TEKTL1: variants seen among roughly 807,000 people sequenced by gnomAD.
The protein encoded by TEKTL1 is tektin like 1.
chr19:15,021,716 G>A, the TEKTL1 span: 14 of 1,613,944 alleles, frequency 8.7e-6, no homozygotes, highest in Admixed American at 1.7e-5. Context: ...ATCAAGGTAC[G>A]GTTCGGGGTG....
the TEKTL1 span, among the ~76,000 whole-genome samples, chr19:15,014,600 A>G: frequency 6.6e-6 from 1 of 151,518 alleles, no homozygotes; most frequent in Non-Finnish European, 1.5e-5. Context: ...GAAGGCAGAT[A>G]TAGTACTAAA....
At chr19:15,020,598 C>T in the TEKTL1 span, 17 of 1,614,122 alleles carry the variant, frequency 1.1e-5, no homozygotes, top group Non-Finnish European at 1.4e-5. Flanking sequence ...CCCGAGCCCC[C>T]ACTCCACGCA....
chr19:15,017,541 C>T, the TEKTL1 span, among the ~76,000 whole-genome samples: 4 of 152,072 alleles, frequency 2.6e-5, no homozygotes, highest in African/African-American at 4.8e-5. Context: ...GAATAGCAGT[C>T]TCTTAATATT....
chr19:15,011,416 CAACCCCAGCCT>C, the TEKTL1 span: 1 of 1,404,466 alleles, frequency 7.1e-7, no homozygotes, highest in Non-Finnish European at 9.3e-7. Flanking sequence ...CCCCCACGCC[CAACCCCAGCCT>C]AACTGCAAAG....
the TEKTL1 span, among the ~76,000 whole-genome samples, chr19:15,015,924 A>G: frequency 1.3e-5 from 2 of 152,230 alleles, no homozygotes; most frequent in Non-Finnish European, 1.5e-5. Context: ...AGTCCACTGC[A>G]TCTTATCTGC....
chr19:15,021,885 G>T, the TEKTL1 span: 10 of 1,613,922 alleles, frequency 6.2e-6, no homozygotes, highest in South Asian at 9.9e-5. Flanking sequence ...AGACACGTGG[G>T]CACCCAACTC....
the TEKTL1 span, among the ~76,000 whole-genome samples, chr19:15,012,092 C>CA: frequency 2.1e-3 from 286 of 137,258 alleles, 2 homozygotes; most frequent in African/African-American, 5.0e-3. Flanking sequence ...CCCGTCTCTA[C>CA]AAAAAAAAAA....
At chr19:15,018,252 G>A in the TEKTL1 span, among the ~76,000 whole-genome samples, 2 of 152,094 alleles carry the variant, frequency 1.3e-5, no homozygotes, top group African/African-American at 2.4e-5. Context: ...TACTCATGAG[G>A]CTGAAGCAGG....
chr19:15,021,429 C>T, the TEKTL1 span: 18 of 1,614,120 alleles, frequency 1.1e-5, no homozygotes, highest in East Asian at 1.3e-4. Context: ...TGGCAAAGAA[C>T]GAGGTGGACG....
At chr19:15,010,826 A>T in the TEKTL1 span, 8 of 1,534,532 alleles carry the variant, frequency 5.2e-6, no homozygotes, top group Non-Finnish European at 7.0e-6. Flanking sequence ...AGCAGGGACC[A>T]TGCGCGTGTT....
At chr19:15,011,195 G>C in the TEKTL1 span, 2 of 1,481,660 alleles carry the variant, frequency 1.3e-6, no homozygotes, top group Non-Finnish European at 1.8e-6. Flanking sequence ...GCAGACCACC[G>C]AGGTGGTGCA....
the TEKTL1 span, among the ~76,000 whole-genome samples, chr19:15,014,392 T>C: frequency 6.6e-6 from 1 of 152,078 alleles, no homozygotes; most frequent in South Asian, 2.1e-4. Flanking sequence ...CTTGGCATCA[T>C]AGATAAAGTG....
the TEKTL1 span, chr19:15,013,713 G>C: frequency 6.2e-7 from 1 of 1,613,920 alleles, no homozygotes. Flanking sequence ...GGGAGAAAGA[G>C]GAGCTGAAAA....
chr19:15,020,590 C>A, the TEKTL1 span: 4 of 1,613,950 alleles, frequency 2.5e-6, no homozygotes, highest in Non-Finnish European at 3.4e-6. Flanking sequence ...GAACCTCTCC[C>A]GAGCCCCCAC....
chr19:15,017,907 G>A, the TEKTL1 span, among the ~76,000 whole-genome samples: 1 of 152,100 alleles, frequency 6.6e-6, no homozygotes, highest in Non-Finnish European at 1.5e-5. Flanking sequence ...ACAAGAGCTG[G>A]AAAGGGGCCG....
the TEKTL1 span, chr19:15,010,888 G>A: frequency 6.4e-7 from 1 of 1,563,804 alleles, no homozygotes; most frequent in Non-Finnish European, 8.6e-7. Flanking sequence ...CCCCAGCATG[G>A]CGCGAGGCAG....
At chr19:15,020,665 A>G in the TEKTL1 span, 8 of 1,610,448 alleles carry the variant, frequency 5.0e-6, no homozygotes, top group Non-Finnish European at 6.8e-6. Context: ...CCCAGGTAGG[A>G]GTCCACTGTA....
chr19:15,023,276 A>G, the TEKTL1 span: 1 of 669,354 alleles, frequency 1.5e-6, no homozygotes, highest in Non-Finnish European at 2.5e-6. Context: ...ATTATCATGT[A>G]TTAGGCACCT....
the TEKTL1 span, chr19:15,020,407 A>T: frequency 2.0e-6 from 3 of 1,503,178 alleles, no homozygotes; most frequent in South Asian, 1.2e-5. Flanking sequence ...ACTTGCATCC[A>T]CTTCCCTCAA....
Sources: gnomAD v4.1 joint callset for allele counts (sites outside exome capture counted in the v4.1 genomes callset) on GRCh38, gnomAD v4.1.1 for gene constraint, MANE v1.5 for transcripts, NCBI Gene and HGNC (gene_info 2026-07-23, HGNC 2026-07-21) for gene names.